POLN: variants seen among roughly 807,000 people sequenced by gnomAD.
POLN encodes DNA polymerase nu, also known as DNA polymerase N.
POLN carries 108 observed loss-of-function variants against 113.5 expected under a neutral mutation model. The ratio of observed to expected loss-of-function variants is 0.95; its 90% CI spans 0.81 to 1.12. The LOEUF (loss-of-function observed/expected upper bound fraction) is 1.12, where lower values mean the gene tolerates loss of function less well. Among genes scored for constraint, POLN ranks in the 50% most tolerant of loss-of-function variants. POLN has a pLI of 0.00. For synonymous variants in POLN, 386 were observed against 391.5 expected, an observed-to-expected ratio of 0.99 and a Z score of 0.17; for missense variants, 1,097 against 1,077.1, an observed-to-expected ratio of 1.02 and a Z score of -0.26.
chr4:2,125,106 G>A (rs146106509), intron 19 of POLN, among the ~76,000 whole-genome samples: 9 of 152,326 alleles, frequency 5.9e-5, no homozygotes, highest in African/African-American at 1.9e-4. Flanking sequence ...CAAAGGATAT[G>A]TTAACAATGC....
At chr4:2,198,757 T>TA in intron 5 of POLN, 40 bp from the exon 6 acceptor site, 1 of 1,500,292 alleles carries the variant, frequency 6.7e-7, no homozygotes, top group Non-Finnish European at 9.1e-7. Flanking sequence ...CCAGACAACA[T>TA]ATCTGTTGTA....
rs759670165 is a variant in POLN at position 2,081,772 on chromosome 4, G to C, written c.2198-29C>G. 11 of 1,599,948 alleles carry C rather than the reference G, an allele frequency of 6.9e-6. No homozygotes were observed. In the Admixed American group the frequency reaches 1.8e-4, roughly 27 times the overall value. ...AGTCACACAGAGCAAAAGTAGATGA[G>C]GGACAGAAACAGGCACCACAGCAGG... On this transcript the variant is annotated intron_variant, in intron 21 of 25. Transcript: ENST00000511885.
At chr4:2,239,802 G>A (rs918254989) in intron 2 of POLN, among the ~76,000 whole-genome samples, 1 of 152,162 alleles carries the variant, frequency 6.6e-6, no homozygotes, top group Non-Finnish European at 1.5e-5. Flanking sequence ...AAGCACTTTT[G>A]TTTAAAATAA....
intron 10 of POLN, among the ~76,000 whole-genome samples, chr4:2,174,312 C>A (rs1295589463): frequency 6.6e-6 from 1 of 152,228 alleles, no homozygotes; most frequent in Non-Finnish European, 1.5e-5. Flanking sequence ...CCCATCAGGA[C>A]CTGCGGTCAA....
intron 25 of POLN, among the ~76,000 whole-genome samples, 179 bp downstream of exon 25, chr4:2,072,787 CAG>C (rs1307841592): frequency 2.0e-5 from 3 of 152,196 alleles, no homozygotes; most frequent in Non-Finnish European, 4.4e-5. Context: ...CTGAAGTGAG[CAG>C]AGTCGGGTGG....
intron 11 of POLN, 50 bp from the exon 12 acceptor site, chr4:2,171,231 A>T: frequency 6.5e-7 from 1 of 1,530,010 alleles, no homozygotes; most frequent in South Asian, 1.2e-5. Flanking sequence ...TTCACAATTT[A>T]AGATTGTTTA....
At chr4:2,159,465 C>T (rs905854400) in intron 13 of POLN, among the ~76,000 whole-genome samples, 4 of 152,078 alleles carry the variant, frequency 2.6e-5, no homozygotes, top group African/African-American at 9.7e-5. Flanking sequence ...TTTAAGTTAG[C>T]GAAATCTAAA....
intron 2 of POLN, chr4:2,231,639 G>T (rs3762940): frequency 0.23 from 42,337 of 186,984 alleles, 7,980 homozygotes; most frequent in African/African-American, 0.54. Flanking sequence ...TTCTAAAAAG[G>T]AGAGAGATAA....
chr4:2,165,600 T>G (rs1039398113), intron 13 of POLN, among the ~76,000 whole-genome samples: 3 of 151,874 alleles, frequency 2.0e-5, no homozygotes, highest in Non-Finnish European at 4.4e-5. Context: ...CTACGGACTC[T>G]GGGCGATAAC....
rs2108764201 is a variant in POLN at position 2,208,459 on chromosome 4, G to C, written c.242C>G (p.Ser81Ter). The C allele has an allele frequency of 6.4e-7, 1 of 1,561,926 alleles. No homozygotes were observed. Among genetic ancestry groups the C allele is most frequent in the Middle Eastern group, 1.7e-4 (1 of 5,826 alleles). Residue 81 changes from serine (S) to a stop codon, truncating the protein, a stop_gained, in exon 5 of 26, where the codon TCA (serine) becomes TGA (stop). Coordinates refer to ENST00000511885, the MANE Select transcript of POLN (RefSeq NM_181808.4). LOFTEE classifies it high-confidence loss of function. Reference protein sequence around the residue: ...KDLKSLRSQTSRGSAKLSPQS... With the variant: ...KDLKSLRSQT ...AGGAGACAGCTTGGCAGAACCTCTT[G>C]ATGTCTGACTTCTTAAAGATTTAAG...
chr4:2,158,877 C>T (rs560045775), intron 14 of POLN, among the ~76,000 whole-genome samples: 9 of 152,284 alleles, frequency 5.9e-5, no homozygotes, highest in South Asian at 2.1e-4. Flanking sequence ...TGCACACCGA[C>T]GACACACAGC....
intron 16 of POLN, among the ~76,000 whole-genome samples, chr4:2,154,573 G>T (rs1009674933): frequency 6.6e-6 from 1 of 152,160 alleles, no homozygotes; most frequent in Non-Finnish European, 1.5e-5. Flanking sequence ...TATTTTTGGC[G>T]AGAGGCTAAT....
intron 4 of POLN, among the ~76,000 whole-genome samples, chr4:2,210,373 G>A (rs892393882): frequency 6.6e-6 from 1 of 151,668 alleles, no homozygotes; most frequent in African/African-American, 2.4e-5. Context: ...GAGCCCAGGA[G>A]TTCAAGACCA....
chr4:2,185,684 T>G (rs1327951687), intron 7 of POLN, among the ~76,000 whole-genome samples: 1 of 152,142 alleles, frequency 6.6e-6, no homozygotes, highest in East Asian at 1.9e-4. Context: ...AGGCAGAGGT[T>G]GCAGTGAGCC....
chr4:2,161,055 G>T (rs1732574109), intron 13 of POLN, among the ~76,000 whole-genome samples: 1 of 152,158 alleles, frequency 6.6e-6, no homozygotes, highest in Non-Finnish European at 1.5e-5. Context: ...TTGAGACAGG[G>T]TCTCTGTCAC....
chr4:2,130,116 G>A (rs1189809752), intron 17 of POLN, among the ~76,000 whole-genome samples: 6 of 152,084 alleles, frequency 3.9e-5, no homozygotes, highest in Non-Finnish European at 5.9e-5. Context: ...TTAGCTGGCC[G>A]TAATGGTGCA....
intron 7 of POLN, among the ~76,000 whole-genome samples, chr4:2,182,056 A>C (rs565105528): frequency 6.6e-6 from 1 of 152,264 alleles, no homozygotes; most frequent in South Asian, 2.1e-4. Flanking sequence ...TAATCAATAC[A>C]GCGTAGTATC....
At position 2,079,610 on chromosome 4, in the gene POLN, A is replaced by G. The variant is rs963438671; in HGVS notation, c.2387+1348T>C. On this transcript the variant is annotated intron_variant, in intron 23 of 25. Coordinates refer to ENST00000511885, the MANE Select transcript of POLN (RefSeq NM_181808.4). ...AATCTTATTTTTTTTTCTGTTAGACAGAGTCTTGCTCTCACCCAGGCTGGA... is the reference window on the plus strand; with the variant it reads ...AATCTTATTTTTTTTTCTGTTAGACGGAGTCTTGCTCTCACCCAGGCTGGA... The G allele has an allele frequency of 6.1e-6, 6 of 984,934 alleles. No individual in the cohort carries two copies. The African/African-American group carries it at 7.0e-5, about 11-fold the overall frequency. The allele number at this position is 984,934 out of a possible 1,614,324, so 61.0% of individuals were successfully genotyped here.
At chr4:2,123,198 C>G (rs1731491132) in intron 19 of POLN, among the ~76,000 whole-genome samples, 1 of 151,822 alleles carries the variant, frequency 6.6e-6, no homozygotes, top group South Asian at 2.1e-4. Context: ...CCAAACCAAA[C>G]CAAACCTCAG....
Sources: allele counts gnomAD v4.1 joint callset (sites outside exome capture counted in the v4.1 genomes callset), GRCh38; gene constraint gnomAD v4.1.1; transcripts MANE v1.5; gene names NCBI Gene and HGNC (gene_info 2026-07-23, HGNC 2026-07-21).